CLEC16A: variants seen among roughly 807,000 people sequenced by gnomAD.
CLEC16A encodes the protein protein CLEC16A.
In CLEC16A, 51 loss-of-function variants were observed where a neutral mutation model predicts 109.5. The ratio of observed to expected loss-of-function variants is 0.47; its 90% CI spans 0.37 to 0.59. The LOEUF is 0.59. Among genes scored for constraint, CLEC16A ranks in the 20% least tolerant of loss-of-function variants. CLEC16A has a pLI of 0.00. For synonymous variants in CLEC16A, 673 were observed against 564.2 expected (o/e 1.19, Z -2.73); for missense variants, 1,339 against 1,394.0 (o/e 0.96, Z 0.63).
chr16:11,003,189 T>C lies in CLEC16A; in HGVS notation c.1187T>C (p.Val396Ala), dbSNP rs759451816. Reference protein sequence around the residue: ...RVQKRPNYKNVGEEEDEEKGP... With the variant: ...RVQKRPNYKNAGEEEDEEKGP... ...CAAAAGAGACCCAACTACAAAAACGTTGGGGAAGAAGAAGATGAGGAGAAA... is the reference window on the plus strand; with the variant it reads ...CAAAAGAGACCCAACTACAAAAACGCTGGGGAAGAAGAAGATGAGGAGAAA... Residue 396 changes from valine (V) to alanine (A), a missense_variant, in exon 11 of 24, where the codon GTT becomes GCT. Val to Ala is a moderately conservative substitution (Grantham distance 64). Around this residue, in one of 3 missense-constraint regions of CLEC16A, gnomAD observed 1,061 missense variants for 1,006.8 expected, o/e 1.05. Coordinates refer to ENST00000409790, the MANE Select transcript of CLEC16A (RefSeq NM_015226.3). The C allele has an allele frequency of 4.4e-6, 7 of 1,608,616 alleles. No homozygotes were observed. Among genetic ancestry groups the C allele is most frequent in the Admixed American group, 1.7e-5 (1 of 59,190 alleles).
chr16:11,133,843 A>G (rs981906945), intron 22 of CLEC16A, among the ~76,000 whole-genome samples: 2 of 152,174 alleles, frequency 1.3e-5, no homozygotes, highest in African/African-American at 4.8e-5. Flanking sequence ...CAGCTTCTCC[A>G]GCCCGGTCTT....
intron 2 of CLEC16A, among the ~76,000 whole-genome samples, chr16:10,958,263 C>A (rs1458984110): frequency 1.3e-5 from 2 of 152,184 alleles, no homozygotes; most frequent in African/African-American, 4.8e-5. Context: ...TCCCTGAGGG[C>A]TCCCAGTTAC....
intron 11 of CLEC16A, among the ~76,000 whole-genome samples, chr16:11,019,007 A>G (rs913379428): frequency 6.6e-6 from 1 of 152,202 alleles, no homozygotes; most frequent in East Asian, 1.9e-4. Context: ...GGGTGGCAGA[A>G]GAGGTGGCAG....
chr16:10,973,569 G>A (rs1049187566), intron 7 of CLEC16A, among the ~76,000 whole-genome samples: 7 of 151,988 alleles, frequency 4.6e-5, no homozygotes, highest in African/African-American at 1.4e-4. Flanking sequence ...ATGAGTATAG[G>A]GCTTTTTTTT....
chr16:11,051,189 C>T (rs544710925), intron 17 of CLEC16A, among the ~76,000 whole-genome samples: 1 of 152,222 alleles, frequency 6.6e-6, no homozygotes, highest in African/African-American at 2.4e-5. Context: ...CATACCTGGC[C>T]TCCTGCTGAG....
intron 12 of CLEC16A, among the ~76,000 whole-genome samples, chr16:11,020,962 A>C (rs2046063642): frequency 6.6e-6 from 1 of 152,202 alleles, no homozygotes; most frequent in African/African-American, 2.4e-5. Context: ...GCAGGGCTTC[A>C]TTTCAGAGTT....
Position 11,036,868 on chromosome 16 carries a change from C to T in CLEC16A, c.1538-2886C>T, listed in dbSNP as rs570838644. On this transcript the variant is annotated intron_variant, in intron 13 of 23. Coordinates refer to ENST00000409790, the MANE Select transcript of CLEC16A (RefSeq NM_015226.3). ...CCGGCCTAACTTTCCTTTTATAACA[C>T]GAATGATAAGGAAACACATGAAGTC... Among the ~76,000 whole-genome samples the T allele has an allele frequency of 1.1e-4, 16 of 152,246 alleles. No individual in the cohort carries two copies. The East Asian group carries it at 2.3e-3, about 22-fold the overall frequency.
intron 22 of CLEC16A, among the ~76,000 whole-genome samples, chr16:11,134,260 C>T (rs2053428640): frequency 6.7e-6 from 1 of 149,350 alleles, no homozygotes; most frequent in Admixed American, 6.7e-5. Flanking sequence ...GGCAAAACTA[C>T]GTTGTCGGCT....
rs375303241 is a variant in CLEC16A, at chr16:11,178,314, G to T, written c.2807-21G>T. 1 of 1,585,984 alleles carries T rather than the reference G, an allele frequency of 6.3e-7. No individual in the cohort carries two copies. The highest frequency in any genetic ancestry group is 1.1e-5 in the South Asian group (1 of 88,306). ...TGTCTCAAGGGCTCAGTGTGTTTCC[G>T]GTTTTTCTCCCCCAATCCAGATGCC... is the stretch of plus-strand genomic sequence containing the variant. On this transcript the variant is annotated intron_variant, in intron 23 of 23. Transcript: ENST00000409790. This position sits in a 1 kb window ranked among gnomAD's most constrained non-coding sequence, Gnocchi z 6.5.
chr16:11,068,972 G>A lies in CLEC16A; in HGVS notation c.2116+7950G>A, dbSNP rs189793173. On this transcript the variant is annotated intron_variant, in intron 19 of 23. Coordinates refer to ENST00000409790, the MANE Select transcript of CLEC16A (RefSeq NM_015226.3). ...TGGGATTACAGGTGCATGCCATCAC[G>A]CCTGGCTAATTTTCTTTTTTTTTTT... 3.3e-5 allele frequency among the ~76,000 whole-genome samples: 5 copies of A among 150,292 alleles called. No individual in the cohort carries two copies. In the East Asian group the frequency reaches 9.8e-4, roughly 29 times the overall value.
chr16:11,102,340 G>C (rs1023899333), intron 19 of CLEC16A, among the ~76,000 whole-genome samples: 1 of 152,160 alleles, frequency 6.6e-6, no homozygotes, highest in Non-Finnish European at 1.5e-5. Context: ...GATTAAAAAC[G>C]TAAAGCAGGG....
At chr16:11,137,787 T>C (rs906610927) in intron 22 of CLEC16A, among the ~76,000 whole-genome samples, 6 of 151,764 alleles carry the variant, frequency 4.0e-5, no homozygotes, top group African/African-American at 1.5e-4. Flanking sequence ...CCAGCCTGGG[T>C]AACAGAGCGA....
chr16:11,101,323 A>G (rs1275056915), intron 19 of CLEC16A, among the ~76,000 whole-genome samples: 1 of 152,262 alleles, frequency 6.6e-6, no homozygotes, highest in African/African-American at 2.4e-5. Context: ...CACCCTCCGC[A>G]GCCTCACCCC....
At chr16:11,139,249 G>A (rs1449752367) in intron 22 of CLEC16A, among the ~76,000 whole-genome samples, 2 of 152,032 alleles carry the variant, frequency 1.3e-5, no homozygotes, top group Non-Finnish European at 2.9e-5. Flanking sequence ...ATCTCAGACA[G>A]AACCTCCAAG....
intron 1 of CLEC16A, among the ~76,000 whole-genome samples, chr16:10,947,333 G>A (rs886509220): frequency 2.3e-4 from 35 of 151,728 alleles, no homozygotes; most frequent in African/African-American, 7.3e-4. Flanking sequence ...AGAACAGCTC[G>A]TTCCCTGAGG....
chr16:11,050,236 T>G (rs2047867384), intron 17 of CLEC16A, among the ~76,000 whole-genome samples: 1 of 152,140 alleles, frequency 6.6e-6, no homozygotes, highest in Non-Finnish European at 1.5e-5. Flanking sequence ...AATAACAACA[T>G]TACTCCATTC....
chr16:11,138,976 G>A (rs1017153043), intron 22 of CLEC16A, among the ~76,000 whole-genome samples: 3 of 147,320 alleles, frequency 2.0e-5, no homozygotes, highest in African/African-American at 7.3e-5. Context: ...ACAGGATTTG[G>A]TGACCAATTT....
chr16:11,150,684 G>A (rs1030854993), intron 22 of CLEC16A, among the ~76,000 whole-genome samples: 11 of 152,166 alleles, frequency 7.2e-5, no homozygotes, highest in African/African-American at 2.7e-4. Context: ...TTAGTTTCCT[G>A]AGGTGGCCAT....
chr16:10,990,332 C>T (rs1444817650), intron 10 of CLEC16A, among the ~76,000 whole-genome samples: 1 of 152,174 alleles, frequency 6.6e-6, no homozygotes, highest in African/African-American at 2.4e-5. Flanking sequence ...TAATCAAAAT[C>T]CAGAGTGCAA....
Sources: allele counts gnomAD v4.1 joint callset (sites outside exome capture counted in the v4.1 genomes callset), GRCh38; gene constraint gnomAD v4.1.1; regional missense constraint gnomAD v4.1.1; non-coding constraint Gnocchi (gnomAD v3.1); transcripts MANE v1.5; gene names NCBI Gene and HGNC (gene_info 2026-07-23, HGNC 2026-07-21).